Variants in SHROOM3 observed in about 807,000 individuals in gnomAD.
SHROOM3 encodes the protein protein Shroom3.
Under a neutral mutation model 138.6 loss-of-function variants are expected in SHROOM3, and 47 were observed. The observed-to-expected ratio is 0.34, with a 90% CI of 0.27 to 0.43. The LOEUF is 0.43. Among genes scored for constraint, SHROOM3 ranks in the 20% least tolerant of loss-of-function variants. The pLI is 1.00. For synonymous variants in SHROOM3, 1,062 were observed against 1,063.3 expected, an observed-to-expected ratio of 1.00 and a Z score of 0.02; for missense variants, 2,491 against 2,596.5, an observed-to-expected ratio of 0.96 and a Z score of 0.88.
At chr4:76,693,820 CTTTTT>C (rs71212443) in intron 2 of SHROOM3, among the ~76,000 whole-genome samples, 72,217 of 141,442 alleles carry the variant, frequency 0.51, 18,375 homozygotes, top group African/African-American at 0.6. Flanking sequence ...AGGCAAACTC[CTTTTT>C]TTTTTTTTTT....
At position 76,469,284 on chromosome 4, in the gene SHROOM3, T is replaced by C. The variant is rs144160769; in HGVS notation, c.168+33064T>C. Among the ~76,000 whole-genome samples, 77 of 152,244 alleles carry C rather than the reference T, an allele frequency of 5.1e-4. 1 individual carries two copies. The highest frequency in any genetic ancestry group is 1.8e-3 in the African/African-American group (73 of 41,544). On this transcript the variant is annotated intron_variant, in intron 1 of 10. Coordinates refer to ENST00000296043, the MANE Select transcript of SHROOM3 (RefSeq NM_020859.4). ...TTGACTATAGGTCCTAGTCAAGTCTTTCCAGAACTGATATGGCCAACCTCT... is the reference window on the plus strand; with the variant it reads ...TTGACTATAGGTCCTAGTCAAGTCTCTCCAGAACTGATATGGCCAACCTCT...
At chr4:76,771,378 A>T (rs1180192579) in intron 10 of SHROOM3, among the ~76,000 whole-genome samples, 3 of 151,950 alleles carry the variant, frequency 2.0e-5, no homozygotes, top group Non-Finnish European at 2.9e-5. Flanking sequence ...AAAAAAAAAA[A>T]GATGTACTGC....
Position 76,450,214 on chromosome 4 carries a change from A to G in SHROOM3, c.168+13994A>G, listed in dbSNP as rs539891945. Reference sequence around the variant, plus strand: ...GAAAAATATGCTTTCTTTTTTGTCAAAATTGCTTGGTTTGTCCTATTATGC... The same window carrying G: ...GAAAAATATGCTTTCTTTTTTGTCAGAATTGCTTGGTTTGTCCTATTATGC... On this transcript the variant is annotated intron_variant, in intron 1 of 10. Coordinates refer to ENST00000296043, the MANE Select transcript of SHROOM3 (RefSeq NM_020859.4). Among the ~76,000 whole-genome samples, 113 of 152,324 alleles carry G rather than the reference A, an allele frequency of 7.4e-4. 1 individual carries two copies. Among genetic ancestry groups the G allele is most frequent in the Middle Eastern group, 3.4e-3 (1 of 294 alleles).
At chr4:76,752,435 G>A (rs1721654909) in intron 6 of SHROOM3, among the ~76,000 whole-genome samples, 1 of 151,330 alleles carries the variant, frequency 6.6e-6, no homozygotes, top group African/African-American at 2.4e-5. Context: ...GAAATTTTAT[G>A]TTGTTTTTTC....
intron 2 of SHROOM3, among the ~76,000 whole-genome samples, chr4:76,658,410 T>C (rs1736112742): frequency 6.6e-6 from 1 of 152,166 alleles, no homozygotes; most frequent in Admixed American, 6.6e-5. Context: ...AGATTTACAT[T>C]GCTGGTTTCC....
rs200248283 is a variant in SHROOM3 at position 76,754,691 on chromosome 4, G to A, written c.4208G>A (p.Cys1403Tyr). The A allele has an allele frequency of 7.4e-6, 12 of 1,614,220 alleles. No homozygotes were observed. The East Asian group carries it at 2.2e-4, about 30-fold the overall frequency. The change falls in exon 7 of 11, where the codon TGT becomes TAT. Residue 1403 changes from cysteine (C) to tyrosine (Y), a missense_variant. Cys to Tyr is a radical substitution (Grantham distance 194). Coordinates refer to ENST00000296043, the MANE Select transcript of SHROOM3 (RefSeq NM_020859.4). The stretch of plus-strand genomic sequence containing the variant: ...ACCCAGCCTCCCGGTCCAAGAGGCT[G>A]TGAGGGCGATGGCCCAGAGCATGGG... ...TLTQPPGPRG[C>Y]EGDGPEHGVE...
intron 2 of SHROOM3, among the ~76,000 whole-genome samples, chr4:76,595,594 CT>C (rs77847526): frequency 0.07 from 10,728 of 152,182 alleles, 416 homozygotes; most frequent in East Asian, 0.15. Context: ...TGCAAACTCT[CT>C]TTTTTTAGGA....
chr4:76,674,457 T>C (rs1718970007), intron 2 of SHROOM3, among the ~76,000 whole-genome samples: 1 of 151,970 alleles, frequency 6.6e-6, no homozygotes, highest in East Asian at 1.9e-4. Context: ...TGTCCTCTAA[T>C]AGCAGGAAGC....
Position 76,756,542 on chromosome 4 carries a change from C to G in SHROOM3, c.4803C>G (p.Leu1601=), listed in dbSNP as rs776599117. Residue 1601 remains leucine, a synonymous_variant, in exon 8 of 11, where the codon CTC becomes CTG. Transcript: ENST00000296043. ...GTAGTCAGACACTGGCTTCCAGACT[C>G]CAAACTTCTATCAAGGGTTCAGAGG... The part of the protein sequence containing the change: ...VVGSQTLASR[L]QTSIKGSEAE... The G allele has an allele frequency of 1.9e-6, 3 of 1,613,782 alleles. No individual in the cohort carries two copies. Among genetic ancestry groups the G allele is most frequent in the Non-Finnish European group, 2.5e-6 (3 of 1,180,008 alleles).
At chr4:76,580,288 C>A (rs553663398) in intron 2 of SHROOM3, among the ~76,000 whole-genome samples, 1 of 152,164 alleles carries the variant, frequency 6.6e-6, no homozygotes, top group African/African-American at 2.4e-5. Flanking sequence ...TGGAAAAATA[C>A]CCAAAGCTGC....
intron 2 of SHROOM3, among the ~76,000 whole-genome samples, chr4:76,699,919 T>C (rs1403135853): frequency 6.6e-6 from 1 of 152,128 alleles, no homozygotes; most frequent in Non-Finnish European, 1.5e-5. Flanking sequence ...GGCTGAGTTA[T>C]ATTCACATTG....
chr4:76,611,899 A>AGTTT (rs971407804), intron 2 of SHROOM3, among the ~76,000 whole-genome samples: 4 of 152,184 alleles, frequency 2.6e-5, no homozygotes, highest in Non-Finnish European at 5.9e-5. Context: ...CAGCCATGGA[A>AGTTT]GTTTGTTTGT....
rs140622247 is a variant in SHROOM3 at position 76,598,248 on chromosome 4, G to C, written c.323+42485G>C. On this transcript the variant is annotated intron_variant, in intron 2 of 10. Coordinates refer to ENST00000296043, the MANE Select transcript of SHROOM3 (RefSeq NM_020859.4). ...TCACCGTGTTAGCCAGGATGGTCTC[G>C]ATCTCCTGACCTCGTGATCAGCCCA... Among the ~76,000 whole-genome samples, 521 of 151,916 alleles carry C rather than the reference G, an allele frequency of 3.4e-3. 27 individuals are homozygous for C. In the South Asian group the frequency reaches 0.093, roughly 27 times the overall value.
In SHROOM3 at chr4:76,748,838, A is replaced by T. The variant is rs11097499; in HGVS notation, c.3754-179A>T. On this transcript the variant is annotated intron_variant, in intron 5 of 10. Coordinates refer to ENST00000296043, the MANE Select transcript of SHROOM3 (RefSeq NM_020859.4). ...GCTTTTTTTTTTTTTTTTTTTTTTT[A>T]AATCTTCGGCTTATCTCCTGCATCG... Among the ~76,000 whole-genome samples, 35,083 of 93,752 alleles carry T rather than the reference A, an allele frequency of 0.37. 4,820 individuals carry two copies. The highest frequency in any genetic ancestry group is 0.4 in the Non-Finnish European group (18,937 of 47,478). The allele number at this position is 93,752 out of a possible 152,430, so 61.5% of individuals were successfully genotyped here. A position where few individuals can be genotyped will look rare whatever the true frequency, so the allele number is the denominator to read the frequency against.
chr4:76,480,297 A>G (rs1043941937), intron 1 of SHROOM3, among the ~76,000 whole-genome samples: 1 of 152,220 alleles, frequency 6.6e-6, no homozygotes, highest in Non-Finnish European at 1.5e-5. Context: ...AGGAAGATTT[A>G]CCAAGCAAAT....
At chr4:76,696,578 C>T (rs1719741377) in intron 2 of SHROOM3, among the ~76,000 whole-genome samples, 1 of 152,186 alleles carries the variant, frequency 6.6e-6, no homozygotes, top group Admixed American at 6.5e-5. Flanking sequence ...AGGACATGTC[C>T]TGTCATAGGC....
rs111392427 is a variant in SHROOM3 at position 76,443,543 on chromosome 4, C to T, written c.168+7323C>T. Among the ~76,000 whole-genome samples, 796 of 152,354 alleles carry T rather than the reference C, an allele frequency of 5.2e-3. 13 individuals are homozygous for T. The highest frequency in any genetic ancestry group is 0.018 in the African/African-American group (757 of 41,576). ...AACAGTGAACATCTTATCCAAAGGG[C>T]TGCAGTGCAGAGTCCTTGTTCTCCC... is the stretch of plus-strand genomic sequence containing the variant. On this transcript the variant is annotated intron_variant, in intron 1 of 10. Coordinates refer to ENST00000296043, the MANE Select transcript of SHROOM3 (RefSeq NM_020859.4).
At chr4:76,457,847 G>C (rs1047277650) in intron 1 of SHROOM3, among the ~76,000 whole-genome samples, 9 of 150,294 alleles carry the variant, frequency 6.0e-5, no homozygotes, top group Non-Finnish European at 7.4e-5. Flanking sequence ...CCATGCTGGA[G>C]TGCAGTGGCC....
intron 2 of SHROOM3, among the ~76,000 whole-genome samples, chr4:76,633,993 G>T (rs1735419054): frequency 1.3e-5 from 2 of 152,140 alleles, no homozygotes; most frequent in South Asian, 4.1e-4. Flanking sequence ...TTATCCTGGA[G>T]AACCCTTCTT....
Sources: gnomAD v4.1 joint callset for allele counts (sites outside exome capture counted in the v4.1 genomes callset) on GRCh38, gnomAD v4.1.1 for gene constraint, MANE v1.5 for transcripts, NCBI Gene and HGNC (gene_info 2026-07-23, HGNC 2026-07-21) for gene names.